The following IFT52 variants were observed in gnomAD, a reference collection of about 807,000 sequenced individuals.
The protein encoded by IFT52 is intraflagellar transport 52.
In IFT52, 44 loss-of-function variants were observed where a neutral mutation model predicts 54.4. That is an observed-to-expected ratio of 0.81 (90% CI 0.63 to 1.04). The LOEUF (loss-of-function observed/expected upper bound fraction) is 1.04. Among genes scored for constraint, IFT52 ranks in the 50% least tolerant of loss-of-function variants. IFT52 has a pLI of 0.00. For missense variants in IFT52, 452 were observed against 523.6 expected, an observed-to-expected ratio of 0.86 and a Z score of 1.33; for synonymous variants, 181 against 185.3, an observed-to-expected ratio of 0.98 and a Z score of 0.19.
rs1982673275 is a variant in IFT52 at position 43,604,167 on chromosome 20, T to C, written c.338-16T>C. 7 of 1,577,392 alleles carry C rather than the reference T, an allele frequency of 4.4e-6. No homozygotes were observed. Among genetic ancestry groups the C allele is most frequent in the Non-Finnish European group, 5.2e-6 (6 of 1,146,818 alleles). On this transcript the variant is annotated splice_polypyrimidine_tract_variant and intron_variant, in intron 4 of 13. Coordinates refer to ENST00000373030, the MANE Select transcript of IFT52 (RefSeq NM_016004.5). Reference sequence around the variant, plus strand: ...TTCTAACCTAAAATATACCTCCTTCTCTTTTTCCCTCATAGATGCTGTGGT... The same window carrying C: ...TTCTAACCTAAAATATACCTCCTTCCCTTTTTCCCTCATAGATGCTGTGGT...
chr20:43,637,694 AC>A (rs1246516652), intron 12 of IFT52, among the ~76,000 whole-genome samples: 2 of 152,198 alleles, frequency 1.3e-5, no homozygotes, highest in Non-Finnish European at 2.9e-5. Flanking sequence ...GTATAAACTT[AC>A]CATTCTTATT....
intron 10 of IFT52, among the ~76,000 whole-genome samples, chr20:43,624,468 G>T (rs991097055): frequency 7.2e-5 from 11 of 152,186 alleles, no homozygotes; most frequent in Admixed American, 7.2e-4. Flanking sequence ...TGATAAATGG[G>T]CTGTGTTCTG....
chr20:43,633,007 T>C (rs1224967092), intron 10 of IFT52, among the ~76,000 whole-genome samples: 3 of 152,180 alleles, frequency 2.0e-5, no homozygotes, highest in South Asian at 2.1e-4. Flanking sequence ...TTTTGTCTCT[T>C]TTTAATTTGG....
At chr20:43,614,270 T>C (rs1983686801) in intron 7 of IFT52, among the ~76,000 whole-genome samples, 1 of 151,538 alleles carries the variant, frequency 6.6e-6, no homozygotes, top group Admixed American at 6.6e-5. Flanking sequence ...ATGGAGTCTC[T>C]GTTGCCCAGG....
chr20:43,630,280 T>C (rs1985068363), intron 10 of IFT52, among the ~76,000 whole-genome samples: 1 of 152,192 alleles, frequency 6.6e-6, no homozygotes, highest in East Asian at 1.9e-4. Context: ...GGCCTAATTC[T>C]CCCCTGATAT....
In IFT52 at chr20:43,626,264, C is replaced by CT. The variant is rs1193799201; in HGVS notation, c.923+2234dup. 4.5e-3 allele frequency among the ~76,000 whole-genome samples: 622 copies of CT among 138,884 alleles called. 1 individual carries two copies. Among genetic ancestry groups the CT allele is most frequent in the African/African-American group, 0.011 (405 of 38,112 alleles). 91.1% of individuals were successfully genotyped at this position (138,884 alleles called of 152,430 possible). ...CTTCATCTAAAGCATACATCTTTTC[C>CT]TTTTTTTTTTTTTTTGGAGACAGAA... is the stretch of plus-strand genomic sequence containing the variant. On this transcript the variant is annotated intron_variant, in intron 10 of 13. Transcript: ENST00000373030.
intron 9 of IFT52, chr20:43,621,198 A>G (rs2145635888): frequency 3.5e-6 from 1 of 288,848 alleles, no homozygotes; most frequent in East Asian, 5.8e-5. Flanking sequence ...TCTGGCCCAG[A>G]CTTTCAAAAT....
At chr20:43,608,161 G>GGGGAGAGGGAGA (rs368886324) in intron 6 of IFT52, among the ~76,000 whole-genome samples, 8 of 151,816 alleles carry the variant, frequency 5.3e-5, no homozygotes, top group African/African-American at 1.9e-4. Flanking sequence ...GGGAGACCGT[G>GGGGAGAGGGAGA]GGGAGAGGGA....
chr20:43,609,707 G>A (rs1283290416), intron 6 of IFT52, among the ~76,000 whole-genome samples: 1 of 148,636 alleles, frequency 6.7e-6, no homozygotes, highest in Non-Finnish European at 1.5e-5. Context: ...CCTGGGAGGC[G>A]GAGGTTGCAT....
rs10523117 is a variant in IFT52, at chr20:43,641,030, CAAAAAAAAAA to C, written c.1121-1434_1121-1425del. Among the ~76,000 whole-genome samples, 15 of 90,370 alleles carry C rather than the reference CAAAAAAAAAA, an allele frequency of 1.7e-4. No individual in the cohort carries two copies. In the Admixed American group the frequency reaches 1.9e-3, roughly 11 times the overall value. 59.3% of individuals were successfully genotyped at this position (90,370 alleles called of 152,430 possible). On this transcript the variant is annotated intron_variant, in intron 12 of 13. Transcript: ENST00000373030. ...TGGGTGATAGAGCCAAACCTTGTCT[CAAAAAAAAAA>C]AAAAAAAAAAAAAAGGAAGAAAGAA...
At chr20:43,635,100 A>G (rs932946317) in intron 10 of IFT52, among the ~76,000 whole-genome samples, 6 of 151,748 alleles carry the variant, frequency 4.0e-5, no homozygotes, top group Admixed American at 6.6e-5. Flanking sequence ...CCTGGCAGGC[A>G]GAGGTTGCAG....
At chr20:43,624,266 C>T in intron 10 of IFT52, 1 of 556,674 alleles carries the variant, frequency 1.8e-6, no homozygotes, top group East Asian at 3.0e-5. Flanking sequence ...AGATTCTGGA[C>T]CAGGCATTTA....
chr20:43,627,894 CATAT>C (rs1233896954), intron 10 of IFT52, among the ~76,000 whole-genome samples: 4 of 112,974 alleles, frequency 3.5e-5, no homozygotes, highest in African/African-American at 1.3e-4. Context: ...TTTATTATGT[CATAT>C]ATATATAGAG....
At chr20:43,595,702 A>G (rs1197720661) in intron 2 of IFT52, among the ~76,000 whole-genome samples, 7 of 152,308 alleles carry the variant, frequency 4.6e-5, no homozygotes, top group African/African-American at 1.4e-4. Context: ...CCTGGCCTAC[A>G]TGGCAAAACC....
At chr20:43,640,787 G>A (rs1985856863) in intron 12 of IFT52, among the ~76,000 whole-genome samples, 1 of 152,164 alleles carries the variant, frequency 6.6e-6, no homozygotes, top group African/African-American at 2.4e-5. Flanking sequence ...TATAAGCCCA[G>A]CACTTTGGGA....
At chr20:43,646,465 C>A (rs1986207032) in intron 13 of IFT52, among the ~76,000 whole-genome samples, 1 of 152,106 alleles carries the variant, frequency 6.6e-6, no homozygotes, top group Non-Finnish European at 1.5e-5. Flanking sequence ...GCGGTTCTTG[C>A]TGTGCCTCTC....
intron 11 of IFT52, 97 bp downstream of exon 11, chr20:43,636,110 G>A: frequency 8.9e-7 from 1 of 1,119,810 alleles, no homozygotes; most frequent in East Asian, 2.4e-5. Flanking sequence ...TGTGCCATTT[G>A]TGGCACTCCT....
In IFT52 at chr20:43,623,880, G is replaced by A. The variant is rs779406712; in HGVS notation, c.769-11G>A. ...TTGCTGTGCTAAAAGGAACCCTCTT[G>A]TGGCTTTCAGATTTCTGACTACATG... On this transcript the variant is annotated splice_polypyrimidine_tract_variant and intron_variant, in intron 9 of 13. Coordinates refer to ENST00000373030, the MANE Select transcript of IFT52 (RefSeq NM_016004.5). 6.2e-7 allele frequency: 1 copy of A among 1,613,496 alleles called. No homozygotes were observed. The highest frequency in any genetic ancestry group is 1.7e-5 in the Admixed American group (1 of 59,954).
chr20:43,620,449 A>G (rs1160004002), intron 8 of IFT52, among the ~76,000 whole-genome samples: 1 of 152,108 alleles, frequency 6.6e-6, no homozygotes, highest in South Asian at 2.1e-4. Flanking sequence ...CCTGCGATCA[A>G]GAATTCGAGG....
Sources: gnomAD v4.1 joint callset for allele counts (sites outside exome capture counted in the v4.1 genomes callset) on GRCh38, gnomAD v4.1.1 for gene constraint, MANE v1.5 for transcripts, NCBI Gene and HGNC (gene_info 2026-07-23, HGNC 2026-07-21) for gene names.